Variants in NRCAM observed in about 807,000 individuals in gnomAD.
NRCAM encodes the protein NgCAM-related cell adhesion molecule.
Under a neutral mutation model 156.5 loss-of-function variants are expected in NRCAM, and 83 were observed. The ratio of observed to expected loss-of-function variants is 0.53; its 90% CI spans 0.44 to 0.64. The LOEUF (loss-of-function observed/expected upper bound fraction) is 0.64. Among genes scored for constraint, NRCAM ranks in the 30% least tolerant of loss-of-function variants. NRCAM has a pLI of 0.00. For missense variants in NRCAM, 1,417 were observed against 1,597.3 expected (o/e 0.89, Z 1.92); for synonymous variants, 538 against 563.9 (o/e 0.95, Z 0.65).
intron 1 of NRCAM, among the ~76,000 whole-genome samples, chr7:108,450,353 A>G (rs967318401): frequency 6.6e-6 from 1 of 151,908 alleles, no homozygotes; most frequent in Non-Finnish European, 1.5e-5. Flanking sequence ...TGAAATTCCA[A>G]TCTTGTAGGC....
In NRCAM at chr7:108,166,631, T is replaced by C. The variant is rs531727478; in HGVS notation, c.3466+290A>G. On this transcript the variant is annotated intron_variant, in intron 30 of 32. Coordinates refer to ENST00000379028, the MANE Select transcript of NRCAM (RefSeq NM_001037132.4). ...TTAACACTGAGGGAAAGTTTATACA[T>C]GTGATATGAACAATTGAATTCTTTA... Among the ~76,000 whole-genome samples the C allele has an allele frequency of 1.6e-4, 25 of 152,326 alleles. No homozygotes were observed. In the South Asian group the frequency reaches 5.2e-3, roughly 32 times the overall value.
intron 3 of NRCAM, among the ~76,000 whole-genome samples, chr7:108,262,624 T>C (rs2096928021): frequency 6.6e-6 from 1 of 152,174 alleles, no homozygotes; most frequent in South Asian, 2.1e-4. Context: ...ATGTACTCCT[T>C]GAAGATCTAT....
Position 108,182,878 on chromosome 7 carries a change from T to C in NRCAM, c.2347A>G (p.Lys783Glu). The change falls in exon 23 of 33, where the codon AAA (lysine) becomes GAA (glutamate). Residue 783 changes from lysine to glutamate, a missense_variant. This residue lies in a region of NRCAM where 1,238 missense variants were observed against 1,336.4 expected (regional missense o/e 0.93). Coordinates refer to ENST00000379028, the MANE Select transcript of NRCAM (RefSeq NM_001037132.4). ...CCATCTTTCTGGCGCCAGCTAACTTTGTACTGAAGGCCTGGCCCATTAGAT... is the reference window on the plus strand; with the variant it reads ...CCATCTTTCTGGCGCCAGCTAACTTCGTACTGAAGGCCTGGCCCATTAGAT... ...FESNGPGLQY[K>E]VSWRQKDGDD... The C allele has an allele frequency of 6.2e-7, 1 of 1,614,220 alleles. No individual in the cohort carries two copies. The highest frequency in any genetic ancestry group is 8.5e-7 in the Non-Finnish European group (1 of 1,180,044).
chr7:108,200,210 A>C (rs148995882), intron 13 of NRCAM, among the ~76,000 whole-genome samples: 3 of 152,344 alleles, frequency 2.0e-5, no homozygotes, highest in African/African-American at 7.2e-5. Flanking sequence ...TATGACTCTA[A>C]TAATTTCAAA....
intron 16 of NRCAM, 43 bp downstream of exon 16, chr7:108,194,219 G>T (rs377381519): frequency 6.2e-7 from 1 of 1,610,840 alleles, no homozygotes; most frequent in Non-Finnish European, 8.5e-7. Context: ...TGGAGAATTT[G>T]TTCAAAGTCA....
intron 2 of NRCAM, among the ~76,000 whole-genome samples, chr7:108,397,116 A>T (rs1231906537): frequency 6.6e-6 from 1 of 152,202 alleles, no homozygotes; most frequent in Non-Finnish European, 1.5e-5. Flanking sequence ...AGAGAAAAAA[A>T]AGATGAGGTG....
At chr7:108,382,976 C>T (rs1252619166) in intron 2 of NRCAM, among the ~76,000 whole-genome samples, 1 of 152,110 alleles carries the variant, frequency 6.6e-6, no homozygotes. Flanking sequence ...CTTCAGTTCC[C>T]AAAGGGATAT....
chr7:108,354,907 G>T (rs1303079824), intron 2 of NRCAM, among the ~76,000 whole-genome samples: 1 of 150,462 alleles, frequency 6.6e-6, no homozygotes, highest in Non-Finnish European at 1.5e-5. Context: ...AAAAAAAAAA[G>T]CAATTTCACT....
intron 10 of NRCAM, among the ~76,000 whole-genome samples, chr7:108,224,665 A>C (rs2093121544): frequency 6.6e-6 from 1 of 152,160 alleles, no homozygotes; most frequent in Non-Finnish European, 1.5e-5. Context: ...GATGCTTATA[A>C]AAATTTAATG....
intron 30 of NRCAM, among the ~76,000 whole-genome samples, chr7:108,162,158 G>T (rs1187882394): frequency 6.6e-6 from 1 of 152,208 alleles, no homozygotes; most frequent in African/African-American, 2.4e-5. Flanking sequence ...AAGAGTTGGA[G>T]CAACCTGTGT....
In NRCAM at chr7:108,207,599, G is replaced by A; in HGVS notation, c.1136C>T (p.Thr379Ile). 1 of 1,613,952 alleles carries A rather than the reference G, an allele frequency of 6.2e-7. No individual in the cohort carries two copies. Among genetic ancestry groups the A allele is most frequent in the Non-Finnish European group, 8.5e-7 (1 of 1,179,894 alleles). ...NLVLSPGEDG[T>I]LICRANGNPK... ...GTTGCCATTAGCTCTGCAGATCAAG[G>A]TCCCATCCTCTCCTGGGGACAGCAC... The change falls in exon 13 of 33, where the codon ACC (threonine) becomes ATC (isoleucine). Residue 379 changes from threonine (T) to isoleucine (I), a missense_variant. Transcript: ENST00000379028.
chr7:108,178,118 A>T lies in NRCAM; in HGVS notation c.2852-6T>A, dbSNP rs1468664262. ...AGACGAGGGAGCACTGGGGACTTAC[A>T]GTGAGAACTTACAGTCAACACAAAG... On this transcript the variant is annotated splice_region_variant and splice_polypyrimidine_tract_variant and intron_variant, in intron 25 of 32. Coordinates refer to ENST00000379028, the MANE Select transcript of NRCAM (RefSeq NM_001037132.4). The T allele has an allele frequency of 6.2e-7, 1 of 1,609,054 alleles. No homozygotes were observed. The highest frequency in any genetic ancestry group is 1.7e-5 in the Admixed American group (1 of 58,606).
intron 3 of NRCAM, among the ~76,000 whole-genome samples, chr7:108,299,113 A>AAG (rs1554479785): frequency 1.1e-5 from 1 of 90,536 alleles, no homozygotes; most frequent in African/African-American, 4.4e-5. Flanking sequence ...CTCAAAAAAA[A>AAG]AAAAGAAAGA....
chr7:108,198,430 G>T (rs2076259451), intron 13 of NRCAM, among the ~76,000 whole-genome samples: 1 of 151,716 alleles, frequency 6.6e-6, no homozygotes. Context: ...TAGGGTACAT[G>T]TGCACAATGT....
chr7:108,362,250 G>C (rs2099557654), intron 2 of NRCAM, among the ~76,000 whole-genome samples: 1 of 152,174 alleles, frequency 6.6e-6, no homozygotes, highest in South Asian at 2.1e-4. Flanking sequence ...AGGAGTGAGG[G>C]ATCTTTCTGG....
chr7:108,452,637 A>G (rs1851802136), intron 1 of NRCAM, among the ~76,000 whole-genome samples: 1 of 152,258 alleles, frequency 6.6e-6, no homozygotes, highest in Admixed American at 6.5e-5. Context: ...AAATGTATTT[A>G]GTAATTTTCA....
At chr7:108,455,477 G>C (rs1190857503) in intron 1 of NRCAM, among the ~76,000 whole-genome samples, 1 of 151,878 alleles carries the variant, frequency 6.6e-6, no homozygotes, top group African/African-American at 2.4e-5. Context: ...CCGGTGCGCC[G>C]GCCCCGACAA....
intron 3 of NRCAM, among the ~76,000 whole-genome samples, chr7:108,308,309 G>C (rs1210842897): frequency 6.6e-6 from 1 of 152,178 alleles, no homozygotes; most frequent in African/African-American, 2.4e-5. Context: ...TTCATCACGA[G>C]TTCTGATTCT....
chr7:108,393,520 C>G (rs576268550), intron 2 of NRCAM, among the ~76,000 whole-genome samples: 2 of 152,108 alleles, frequency 1.3e-5, no homozygotes, highest in African/African-American at 4.8e-5. Context: ...TTCCCTGACC[C>G]CTTGCGCTTC....
Sources: allele counts gnomAD v4.1 joint callset (sites outside exome capture counted in the v4.1 genomes callset), GRCh38; gene constraint gnomAD v4.1.1; regional missense constraint gnomAD v4.1.1; transcripts MANE v1.5; gene names NCBI Gene and HGNC (gene_info 2026-07-23, HGNC 2026-07-21).